Variants in DNAH3 observed in about 807,000 individuals in gnomAD.
DNAH3 encodes the protein axonemal beta dynein heavy chain 3.
A neutral mutation model predicts 432.5 loss-of-function variants in DNAH3; 332 were observed. That is an observed-to-expected ratio of 0.77 (90% CI 0.70 to 0.84). The LOEUF is 0.84. Ranked by LOEUF, DNAH3 falls within the 40% of genes least tolerant of loss-of-function variation. The pLI, the probability that DNAH3 is intolerant of heterozygous loss-of-function variation, is 0.00. For synonymous variants in DNAH3, 1,956 were observed against 1,900.2 expected (o/e 1.03, Z -0.76); for missense variants, 4,861 against 5,114.0 (o/e 0.95, Z 1.51).
chr16:21,154,273 C>T (rs2092884638), intron 1 of DNAH3, among the ~76,000 whole-genome samples: 2 of 152,274 alleles, frequency 1.3e-5, no homozygotes. Context: ...GGCGTGGTGG[C>T]AGGCACCAGT....
chr16:21,088,985 G>C (rs2091457628), intron 18 of DNAH3, among the ~76,000 whole-genome samples: 1 of 152,178 alleles, frequency 6.6e-6, no homozygotes, highest in Non-Finnish European at 1.5e-5. Context: ...AAAAACATGT[G>C]TCTCTACTGG....
At chr16:21,097,787 T>C (rs935822848) in intron 17 of DNAH3, among the ~76,000 whole-genome samples, 1 of 152,202 alleles carries the variant, frequency 6.6e-6, no homozygotes, top group Admixed American at 6.5e-5. Context: ...TTTTCATAAT[T>C]TTCATATGTA....
intron 41 of DNAH3, among the ~76,000 whole-genome samples, chr16:21,008,756 T>A (rs2087441756): frequency 6.6e-6 from 1 of 152,116 alleles, no homozygotes; most frequent in Admixed American, 6.5e-5. Flanking sequence ...TCCCCATCAC[T>A]CTTAGCAAGA....
At chr16:21,088,563 G>A (rs1296648449) in intron 18 of DNAH3, among the ~76,000 whole-genome samples, 2 of 152,132 alleles carry the variant, frequency 1.3e-5, no homozygotes, top group African/African-American at 2.4e-5. Flanking sequence ...AAATAATCCA[G>A]GGATTTTAGA....
At chr16:20,946,447 C>A (rs1032176036) in intron 57 of DNAH3, among the ~76,000 whole-genome samples, 12 of 152,178 alleles carry the variant, frequency 7.9e-5, no homozygotes, top group African/African-American at 2.4e-4. Flanking sequence ...AAGCCCTGAC[C>A]ACCTGGGGCA....
rs931620427 is a variant in DNAH3, at chr16:21,040,361, T to C, written c.4639-418A>G. Among the ~76,000 whole-genome samples, 155 of 95,392 alleles carry C rather than the reference T, an allele frequency of 1.6e-3. 20 individuals carry two copies. The highest frequency in any genetic ancestry group is 8.5e-3 in the East Asian group (39 of 4,584). 62.6% of individuals were successfully genotyped at this position (95,392 alleles called of 152,430 possible). ...GAAGAATCCCAAAGCCAGACAGATT[T>C]TTTTTTTTTTTTTTTTTTTTTTTTT... is the stretch of plus-strand genomic sequence containing the variant. On this transcript the variant is annotated intron_variant, in intron 32 of 61. Transcript: ENST00000261383.
intron 19 of DNAH3, among the ~76,000 whole-genome samples, chr16:21,083,799 G>T (rs78015033): frequency 0.014 from 2,179 of 152,218 alleles, 53 homozygotes; most frequent in African/African-American, 0.049. Context: ...CTGTCCCCAG[G>T]GCGGCCTGTG....
intron 5 of DNAH3, 56 bp downstream of exon 6, chr16:21,140,480 G>A: frequency 3.2e-6 from 5 of 1,547,540 alleles, no homozygotes; most frequent in Non-Finnish European, 4.4e-6. Context: ...TAGAATCACT[G>A]AGATGCCGAG....
rs756357963 is a variant in DNAH3, at chr16:20,967,492, C to CTT, written c.8459-2069_8459-2068dup. 4.5e-3 allele frequency among the ~76,000 whole-genome samples: 239 copies of CTT among 52,804 alleles called. 30 individuals carry two copies. The highest frequency in any genetic ancestry group is 0.011 in the African/African-American group (116 of 10,468). 34.6% of individuals were successfully genotyped at this position (52,804 alleles called of 152,430 possible). A position where few individuals can be genotyped will look rare whatever the true frequency, so the allele number is the denominator to read the frequency against. On this transcript the variant is annotated intron_variant, in intron 52 of 61. Coordinates refer to ENST00000261383, the Ensembl canonical transcript of DNAH3. The stretch of plus-strand genomic sequence containing the variant: ...TCTAGGAGTGGGGCACAGACTTCTG[C>CTT]TTTTTTTTTTTTTTTTTTTTTTTTT...
At chr16:20,969,263 C>A (rs1010185620) in intron 52 of DNAH3, among the ~76,000 whole-genome samples, 4 of 151,042 alleles carry the variant, frequency 2.6e-5, no homozygotes, top group Non-Finnish European at 4.4e-5. Flanking sequence ...TCTATATGTG[C>A]ATGTCTCTGT....
intron 1 of DNAH3, among the ~76,000 whole-genome samples, chr16:21,155,394 C>T (rs1171423043): frequency 3.3e-5 from 5 of 151,946 alleles, no homozygotes; most frequent in African/African-American, 1.2e-4. Flanking sequence ...AAGGCCGAGG[C>T]AGGCGGATCA....
chr16:21,001,490 C>A (rs981470306), intron 42 of DNAH3, among the ~76,000 whole-genome samples: 2 of 152,102 alleles, frequency 1.3e-5, no homozygotes, highest in Non-Finnish European at 2.9e-5. Context: ...GCAAATAGCG[C>A]CACCTAGGTC....
In DNAH3 at chr16:21,080,699, C is replaced by T. The variant is rs1160776591; in HGVS notation, c.2969+937G>A. Among the ~76,000 whole-genome samples, 6 of 152,134 alleles carry T rather than the reference C, an allele frequency of 3.9e-5. No homozygotes were observed. In the East Asian group the frequency reaches 5.8e-4, roughly 15 times the overall value. ...TGCATTCTAGCTAGTTCCTAGCTGA[C>T]GCTGATGCAGCAGATCTGGGTGCCA... On this transcript the variant is annotated intron_variant, in intron 20 of 61. Transcript: ENST00000261383.
intron 51 of DNAH3, among the ~76,000 whole-genome samples, chr16:20,973,576 A>T (rs1480950955): frequency 6.6e-6 from 1 of 152,186 alleles, no homozygotes; most frequent in Non-Finnish European, 1.5e-5. Flanking sequence ...TGAAGTCTCA[A>T]AGTAGTTGTA....
chr16:21,153,970 A>T (rs2092881830), intron 1 of DNAH3, among the ~76,000 whole-genome samples: 1 of 152,216 alleles, frequency 6.6e-6, no homozygotes, highest in Admixed American at 6.5e-5. Flanking sequence ...ACGGTTTCAA[A>T]TAGCATTTGG....
intron 48 of DNAH3, among the ~76,000 whole-genome samples, chr16:20,983,750 C>T (rs1255062564): frequency 2.6e-5 from 4 of 151,926 alleles, no homozygotes; most frequent in African/African-American, 4.8e-5. Context: ...CAGTGGCTCA[C>T]GTCTGTAATC....
intron 18 of DNAH3, among the ~76,000 whole-genome samples, chr16:21,089,325 A>G (rs1447047223): frequency 6.6e-6 from 1 of 152,230 alleles, no homozygotes; most frequent in Non-Finnish European, 1.5e-5. Flanking sequence ...TATGTCTAGC[A>G]CAGTAACAGC....
At position 21,036,767 on chromosome 16, in the gene DNAH3, T is replaced by C. The variant is rs1467854864; in HGVS notation, c.5032A>G (p.Ile1678Val). 5 of 1,614,034 alleles carry C rather than the reference T, an allele frequency of 3.1e-6. No individual in the cohort carries two copies. The East Asian group carries it at 6.7e-5, about 22-fold the overall frequency. ...ACTGGCTGGAGTTTCATCTTTTTGA[T>C]GTTATCATTCAGCACTTTCAGAAAA... Residue 1678 changes from isoleucine (I) to valine (V), a missense_variant, in exon 35 of 62, where the codon ATC becomes GTC. Ile to Val is a conservative substitution (Grantham distance 29, BLOSUM62 3). Transcript: ENST00000261383.
At chr16:20,987,429 C>T (rs749611139) in exon 47 of DNAH3, 72 of 1,613,872 alleles carry the variant, frequency 4.5e-5, no homozygotes, top group Non-Finnish European at 5.8e-5. Flanking sequence ...GATCCAAAGC[C>T]GGATACATTT....
Sources: gnomAD v4.1 joint callset for allele counts (sites outside exome capture counted in the v4.1 genomes callset) on GRCh38, gnomAD v4.1.1 for gene constraint, MANE v1.5 for transcripts, NCBI Gene and HGNC (gene_info 2026-07-23, HGNC 2026-07-21) for gene names.